RUNX2: variants seen among roughly 807,000 people sequenced by gnomAD.
RUNX2 encodes the protein RUNX family transcription factor 2, also known as runt-related transcription factor 2.
A neutral mutation model predicts 51.7 loss-of-function variants in RUNX2; 10 were observed. The observed-to-expected ratio is 0.19, with a 90% CI of 0.12 to 0.33. The LOEUF is 0.33. Ranked by LOEUF, RUNX2 falls within the 10% of genes least tolerant of loss-of-function variation. The probability of loss-of-function intolerance (pLI) is 1.00; values close to 1 mark genes in which losing one functional copy is unlikely to be tolerated. For missense variants in RUNX2, 562 were observed against 691.3 expected (o/e 0.81, Z 2.10); for synonymous variants, 276 against 273.6 (o/e 1.01, Z -0.09).
chr6:45,405,565 G>C lies in RUNX2; in HGVS notation c.59-17028G>C, dbSNP rs997967151. Among the ~76,000 whole-genome samples, 3 of 152,294 alleles carry C rather than the reference G, an allele frequency of 2.0e-5. No homozygotes were observed. The East Asian group carries it at 5.8e-4, about 29-fold the overall frequency. ...GCACTTTGGGAGGCCGAGGCAGGGG[G>C]ATCACCTGAGGTCAGGAGTTCAAGA... On this transcript the variant is annotated intron_variant, in intron 2 of 8. Coordinates refer to ENST00000647337, the MANE Select transcript of RUNX2 (RefSeq NM_001024630.4).
chr6:45,417,349 A>G (rs1338149460), intron 2 of RUNX2, among the ~76,000 whole-genome samples: 1 of 152,210 alleles, frequency 6.6e-6, no homozygotes, highest in Non-Finnish European at 1.5e-5. Flanking sequence ...AAATGCTGAC[A>G]TATGGAGATG....
At chr6:45,338,344 T>C (rs1789026174) in intron 2 of RUNX2, among the ~76,000 whole-genome samples, 1 of 147,680 alleles carries the variant, frequency 6.8e-6, no homozygotes, top group Non-Finnish European at 1.5e-5. Context: ...GTAGCTCTCA[T>C]AAAAAAAAAA....
chr6:45,520,177 C>T (rs1464999055), intron 7 of RUNX2, among the ~76,000 whole-genome samples: 1 of 152,022 alleles, frequency 6.6e-6, no homozygotes, highest in Non-Finnish European at 1.5e-5. Flanking sequence ...TCTACCTGAA[C>T]CTGAGGATAC....
intron 2 of RUNX2, among the ~76,000 whole-genome samples, chr6:45,366,385 A>G (rs984928238): frequency 2.6e-5 from 4 of 152,130 alleles, no homozygotes; most frequent in African/African-American, 9.7e-5. Context: ...GGCAACGATA[A>G]TCTCACCTTC....
At chr6:45,509,408 C>A (rs1190270352) in intron 6 of RUNX2, among the ~76,000 whole-genome samples, 1 of 152,106 alleles carries the variant, frequency 6.6e-6, no homozygotes, top group African/African-American at 2.4e-5. Context: ...TTCATGTAAT[C>A]CTCACAAAAA....
intron 6 of RUNX2, among the ~76,000 whole-genome samples, chr6:45,506,905 C>G (rs1421179129): frequency 6.6e-6 from 1 of 152,040 alleles, no homozygotes; most frequent in Non-Finnish European, 1.5e-5. Flanking sequence ...ATCCACCCAA[C>G]TTGGCCTTCC....
At chr6:45,456,389 C>T (rs745352275) in intron 5 of RUNX2, among the ~76,000 whole-genome samples, 1 of 152,146 alleles carries the variant, frequency 6.6e-6, no homozygotes, top group Non-Finnish European at 1.5e-5. Context: ...AATTGATTTA[C>T]AAAAATTGGT....
intron 2 of RUNX2, among the ~76,000 whole-genome samples, chr6:45,399,128 C>G (rs1173705257): frequency 6.6e-6 from 1 of 151,972 alleles, no homozygotes; most frequent in Non-Finnish European, 1.5e-5. Context: ...CTCTCCTCTT[C>G]CCTCCCATTT....
chr6:45,414,678 C>T (rs754463768), intron 2 of RUNX2, among the ~76,000 whole-genome samples: 33 of 151,388 alleles, frequency 2.2e-4, no homozygotes, highest in Non-Finnish European at 3.5e-4. Flanking sequence ...AGCCCTGCTC[C>T]CTTTCTTTCC....
At chr6:45,363,001 G>C (rs76333979) in intron 2 of RUNX2, among the ~76,000 whole-genome samples, 3,493 of 151,650 alleles carry the variant, frequency 0.023, 84 homozygotes, top group Non-Finnish European at 0.039. Flanking sequence ...AATTTTGGTA[G>C]GTACATAGGT....
chr6:45,537,344 C>T (rs1802070559), intron 7 of RUNX2, among the ~76,000 whole-genome samples: 1 of 152,144 alleles, frequency 6.6e-6, no homozygotes, highest in Non-Finnish European at 1.5e-5. Context: ...ATGAAAATGA[C>T]CCCGAATCCC....
At chr6:45,424,103 G>C (rs1798317037) in intron 3 of RUNX2, among the ~76,000 whole-genome samples, 1 of 152,268 alleles carries the variant, frequency 6.6e-6, no homozygotes, top group Admixed American at 6.5e-5. Context: ...AGGCTTGAGA[G>C]CGGCCTCTGC....
chr6:45,532,529 C>T (rs11756145), intron 7 of RUNX2, among the ~76,000 whole-genome samples: 30,309 of 152,062 alleles, frequency 0.2, 3,483 homozygotes, highest in Non-Finnish European at 0.26. Flanking sequence ...TATCCTGCTA[C>T]TCTTCTCATA....
At chr6:45,425,399 A>G (rs1475611531) in intron 3 of RUNX2, among the ~76,000 whole-genome samples, 2 of 152,236 alleles carry the variant, frequency 1.3e-5, no homozygotes, top group African/African-American at 4.8e-5. Context: ...GCTCTTTGTT[A>G]TTAATCAACT....
At position 45,422,771 on chromosome 6, in the gene RUNX2, GGCGGCGGCGGCT is replaced by G. The variant is rs1408706595; in HGVS notation, c.249_260del (p.Ala86_Ala89del). On this transcript the variant is annotated inframe_deletion, in exon 3 of 9. Transcript: ENST00000647337. ...AGGAGGCGGCGGCGGCGGCTGCGGC[GGCGGCGGCGGCT>G]GCGGCGGCGGCAGCTGCAGTGCCCC... is the stretch of plus-strand genomic sequence containing the variant. The G allele has an allele frequency of 4.1e-6, 6 of 1,480,364 alleles. 1 individual carries two copies. Among genetic ancestry groups the G allele is most frequent in the African/African-American group, 2.9e-5 (2 of 68,188 alleles). 91.7% of individuals were successfully genotyped at this position (1,480,364 alleles called of 1,614,324 possible).
At chr6:45,412,952 T>A (rs933857138) in intron 2 of RUNX2, among the ~76,000 whole-genome samples, 3 of 152,144 alleles carry the variant, frequency 2.0e-5, no homozygotes. Context: ...GGTTTCACCA[T>A]GTTGGCCAGG....
Position 45,457,716 on chromosome 6 carries a change from G to C in RUNX2, c.685+19665G>C, listed in dbSNP as rs1483750483. Among the ~76,000 whole-genome samples, 4 of 152,198 alleles carry C rather than the reference G, an allele frequency of 2.6e-5. No individual in the cohort carries two copies. In the East Asian group the frequency reaches 7.7e-4, roughly 29 times the overall value. ...TGACTTTTGACATCAAGGAGGCTAAGTGAAGTAGAGAAAAGTAGGAGACTA... is the reference window on the plus strand; with the variant it reads ...TGACTTTTGACATCAAGGAGGCTAACTGAAGTAGAGAAAAGTAGGAGACTA... On this transcript the variant is annotated intron_variant, in intron 5 of 8. Coordinates refer to ENST00000647337, the MANE Select transcript of RUNX2 (RefSeq NM_001024630.4).
intron 2 of RUNX2, chr6:45,421,778 C>CG (rs1380725237): frequency 6.6e-6 from 1 of 151,526 alleles, no homozygotes; most frequent in African/African-American, 2.4e-5. Context: ...GGCCGGCTGG[C>CG]GGCGGCAGCG....
At chr6:45,544,207 C>T (rs186496290) in intron 7 of RUNX2, among the ~76,000 whole-genome samples, 13 of 152,102 alleles carry the variant, frequency 8.5e-5, no homozygotes, top group East Asian at 7.7e-4. Context: ...GTAAACCTAG[C>T]GGAAATTTGT....
Sources: gnomAD v4.1 joint callset for allele counts (sites outside exome capture counted in the v4.1 genomes callset) on GRCh38, gnomAD v4.1.1 for gene constraint, MANE v1.5 for transcripts, NCBI Gene and HGNC (gene_info 2026-07-23, HGNC 2026-07-21) for gene names.